Variants in AKR1C2 observed in about 807,000 individuals in gnomAD.
AKR1C2 encodes the protein aldo-keto reductase family 1 member C2.
In AKR1C2, 27 loss-of-function variants were observed where a neutral mutation model predicts 39.8. The observed-to-expected ratio is 0.68, with a 90% CI of 0.50 to 0.93. The LOEUF is 0.93. Ranked by LOEUF, AKR1C2 falls within the 40% of genes least tolerant of loss-of-function variation. The pLI is 0.00. For synonymous variants in AKR1C2, 114 were observed against 137.9 expected (o/e 0.83, Z 1.22); for missense variants, 263 against 365.1 (o/e 0.72, Z 2.28).
intron 1 of AKR1C2, among the ~76,000 whole-genome samples, chr10:5,012,261 A>T (rs1360524290): frequency 6.6e-6 from 1 of 151,868 alleles, no homozygotes; most frequent in Non-Finnish European, 1.5e-5. Flanking sequence ...TTCTCCACAA[A>T]GCTAGTACAG....
At chr10:5,011,004 A>G (rs760936480) in intron 1 of AKR1C2, among the ~76,000 whole-genome samples, 2 of 151,134 alleles carry the variant, frequency 1.3e-5, no homozygotes, top group African/African-American at 2.4e-5. Context: ...GAAGAGATGC[A>G]TATGACTTAA....
At chr10:5,001,412 T>A in intron 2 of AKR1C2, 102 bp downstream of exon 2, 1 of 1,519,874 alleles carries the variant, frequency 6.6e-7, no homozygotes, top group Non-Finnish European at 8.8e-7. Context: ...TCGAAATAAA[T>A]AAGCACAATT....
At position 5,001,753 on chromosome 10, in the gene AKR1C2, G is replaced by A. The variant is rs1425326389; in HGVS notation, c.85-72C>T. 5.6e-6 allele frequency: 9 copies of A among 1,596,242 alleles called. No homozygotes were observed. In the East Asian group the frequency reaches 6.7e-5, roughly 12 times the overall value. On this transcript the variant is annotated intron_variant, in intron 1 of 8. Coordinates refer to ENST00000380753, the MANE Select transcript of AKR1C2 (RefSeq NM_001393392.1). ...AGTTAGTTCGGGCACAAGCAGCAACGTTCACAAAAATCAGCTTTTCCTCCT... is the reference window on the plus strand; with the variant it reads ...AGTTAGTTCGGGCACAAGCAGCAACATTCACAAAAATCAGCTTTTCCTCCT...
intron 7 of AKR1C2, among the ~76,000 whole-genome samples, chr10:4,994,041 A>G (rs2801891): frequency 0.29 from 43,455 of 151,426 alleles, 6,978 homozygotes; most frequent in East Asian, 0.63. Context: ...ATTTCAGAGT[A>G]TCCTATGGAT....
chr10:5,012,776 T>G (rs1437038281), intron 1 of AKR1C2, among the ~76,000 whole-genome samples: 9 of 152,200 alleles, frequency 5.9e-5, no homozygotes, highest in Non-Finnish European at 1.3e-4. Context: ...AGAAATGAAT[T>G]CAAACGTGAT....
chr10:4,992,545 A>G (rs1387343817), intron 7 of AKR1C2, among the ~76,000 whole-genome samples: 2 of 152,230 alleles, frequency 1.3e-5, no homozygotes, highest in Admixed American at 6.5e-5. Context: ...AATGACAGCA[A>G]TGTAACACTT....
chr10:5,013,024 G>C (rs1363433505), intron 1 of AKR1C2, among the ~76,000 whole-genome samples: 1 of 151,988 alleles, frequency 6.6e-6, no homozygotes, highest in African/African-American at 2.4e-5. Context: ...CTCTATTCAG[G>C]CTGTTGCCTC....
chr10:5,008,762 C>T (rs1837460507), upstream of AKR1C2, among the ~76,000 whole-genome samples: 1 of 152,248 alleles, frequency 6.6e-6, no homozygotes, highest in Non-Finnish European at 1.5e-5. Flanking sequence ...AATTTCTTCT[C>T]ACTATTTTTT....
At chr10:5,000,415 A>G (rs781847585) in intron 3 of AKR1C2, 135 bp downstream of exon 3, 6 of 1,577,152 alleles carry the variant, frequency 3.8e-6, no homozygotes, top group Non-Finnish European at 5.2e-6. Flanking sequence ...AGGAATTAGG[A>G]GTTATGTTTA....
rs1836946129 is a variant in AKR1C2, at chr10:4,994,204, T to C, written c.846+1115A>G. Reference sequence around the variant, plus strand: ...TAATTAGAAAACATACACATATGTATGTATTCTGGATGTTAATTCTTTAGA... The same window carrying C: ...TAATTAGAAAACATACACATATGTACGTATTCTGGATGTTAATTCTTTAGA... On this transcript the variant is annotated intron_variant, in intron 7 of 8. Transcript: ENST00000380753. Among the ~76,000 whole-genome samples the C allele has an allele frequency of 2.0e-5, 3 of 151,982 alleles. No homozygotes were observed. The South Asian group carries it at 6.2e-4, about 32-fold the overall frequency.
intron 1 of AKR1C2, among the ~76,000 whole-genome samples, chr10:5,011,165 A>G (rs1837515317): frequency 6.6e-6 from 1 of 152,212 alleles, no homozygotes; most frequent in Admixed American, 6.5e-5. Context: ...AACAACAATA[A>G]CAAGAAAACC....
chr10:5,008,194 G>A (rs1309298194), upstream of AKR1C2, among the ~76,000 whole-genome samples: 1 of 150,530 alleles, frequency 6.6e-6, no homozygotes, highest in African/African-American at 2.5e-5. Context: ...CACCCATGGA[G>A]ACCCCCTGCA....
At chr10:5,016,163 C>T (rs1157280090) in intron 1 of AKR1C2, among the ~76,000 whole-genome samples, 7 of 152,176 alleles carry the variant, frequency 4.6e-5, no homozygotes, top group African/African-American at 1.7e-4. Flanking sequence ...CCTTCCAAAT[C>T]TCACATTCTT....
intron 7 of AKR1C2, among the ~76,000 whole-genome samples, chr10:4,992,875 G>C (rs1213633109): frequency 6.6e-6 from 1 of 152,138 alleles, no homozygotes; most frequent in Admixed American, 6.5e-5. Context: ...GCTTGAACCC[G>C]GGAGGTGGAG....
At chr10:5,000,809 T>A (rs1219027900) in intron 2 of AKR1C2, 143 bp from the exon 3 acceptor site, 1 of 685,226 alleles carries the variant, frequency 1.5e-6, no homozygotes, top group Non-Finnish European at 2.6e-6. Flanking sequence ...TTGTGATGCC[T>A]TTTGTTCTGC....
chr10:5,012,255 C>T (rs2131727566), intron 1 of AKR1C2, among the ~76,000 whole-genome samples: 1 of 151,948 alleles, frequency 6.6e-6, no homozygotes, highest in Middle Eastern at 3.4e-3. Context: ...TTCAAGTTCT[C>T]CACAAAGCTA....
At chr10:4,997,828 G>A (rs1434546725) in intron 5 of AKR1C2, among the ~76,000 whole-genome samples, 23 of 152,216 alleles carry the variant, frequency 1.5e-4, no homozygotes, top group Admixed American at 3.3e-4. Flanking sequence ...ACATTTGGGG[G>A]CAGTCAATTT....
intron 8 of AKR1C2, among the ~76,000 whole-genome samples, chr10:4,991,040 T>C (rs12357650): frequency 0.19 from 29,150 of 151,102 alleles, 3,566 homozygotes; most frequent in Non-Finnish European, 0.22. Flanking sequence ...CATAACTTCT[T>C]TTTCCCTCAT....
At position 4,998,662 on chromosome 10, in the gene AKR1C2, T is replaced by C. The variant is rs563332765; in HGVS notation, c.533A>G (p.Asn178Ser). 4.3e-6 allele frequency: 7 copies of C among 1,614,070 alleles called. No individual in the cohort carries two copies. The highest frequency in any genetic ancestry group is 2.7e-5 in the African/African-American group (2 of 74,916). ...FNHRLLEMIL[N>S]KPGLKYKPVC... ...AGGCTTGTACTTGAGCCCTGGCTTG[T>C]TGAGGATCATCTCCAGCAGCCTGTG... The change falls in exon 5 of 9, where the codon AAC becomes AGC. Residue 178 changes from asparagine to serine, a missense_variant. By Grantham distance (46) the Asn-to-Ser change is conservative. Around this residue, in one of 3 missense-constraint regions of AKR1C2, gnomAD observed 247 missense variants for 267.9 expected, o/e 0.92. Transcript: ENST00000380753.
Sources: allele counts gnomAD v4.1 joint callset (sites outside exome capture counted in the v4.1 genomes callset), GRCh38; gene constraint gnomAD v4.1.1; regional missense constraint gnomAD v4.1.1; transcripts MANE v1.5; gene names NCBI Gene and HGNC (gene_info 2026-07-23, HGNC 2026-07-21).